Variants in GRIN2B observed in about 807,000 individuals in gnomAD.
GRIN2B encodes the protein glutamate ionotropic receptor NMDA type subunit 2B.
Under a neutral mutation model 114.5 loss-of-function variants are expected in GRIN2B, and 5 were observed. That is an observed-to-expected ratio of 0.04 (90% CI 0.02 to 0.09). The LOEUF (loss-of-function observed/expected upper bound fraction) is 0.09. Ranked by LOEUF, GRIN2B falls within the 10% of genes least tolerant of loss-of-function variation. The pLI, the probability that GRIN2B is intolerant of heterozygous loss-of-function variation, is 1.00. For missense variants in GRIN2B, 1,108 were observed against 1,943.5 expected (o/e 0.57, Z 8.08); for synonymous variants, 787 against 745.1 (o/e 1.06, Z -0.92).
chr12:13,687,142 C>G (rs11832499), intron 4 of GRIN2B, among the ~76,000 whole-genome samples: 18,936 of 152,110 alleles, frequency 0.12, 1,238 homozygotes, highest in Middle Eastern at 0.25. Context: ...AAAAGTAAAC[C>G]TTTTTCCTTT....
chr12:13,871,664 G>A (rs140257769), intron 2 of GRIN2B, among the ~76,000 whole-genome samples: 47 of 145,488 alleles, frequency 3.2e-4, no homozygotes, highest in African/African-American at 1.2e-3. Context: ...ACAAGACAAA[G>A]AAAAGCAAAA....
intron 3 of GRIN2B, among the ~76,000 whole-genome samples, chr12:13,781,738 T>C (rs1285601126): frequency 1.3e-5 from 2 of 152,194 alleles, no homozygotes; most frequent in Non-Finnish European, 2.9e-5. Flanking sequence ...TGTCTCAGTA[T>C]AAGGAAAATC....
intron 5 of GRIN2B, among the ~76,000 whole-genome samples, chr12:13,648,047 G>A (rs1345456260): frequency 1.3e-5 from 2 of 152,080 alleles, no homozygotes; most frequent in Non-Finnish European, 2.9e-5. Context: ...GGGCCTGTCT[G>A]CTGTTGGACC....
At chr12:13,927,471 C>T (rs1209481168) in intron 2 of GRIN2B, among the ~76,000 whole-genome samples, 1 of 152,126 alleles carries the variant, frequency 6.6e-6, no homozygotes, top group Non-Finnish European at 1.5e-5. Flanking sequence ...AGTGCAAAAG[C>T]AGCCATAGAC....
At chr12:13,949,570 T>C (rs1335464721) in intron 2 of GRIN2B, among the ~76,000 whole-genome samples, 1 of 152,062 alleles carries the variant, frequency 6.6e-6, no homozygotes, top group Non-Finnish European at 1.5e-5. Context: ...AGGGACTCTA[T>C]GGCCTCATGA....
intron 2 of GRIN2B, among the ~76,000 whole-genome samples, chr12:13,890,162 C>T (rs949124970): frequency 3.9e-5 from 6 of 152,122 alleles, no homozygotes; most frequent in African/African-American, 9.7e-5. Context: ...ACATTCAGGA[C>T]GTTGTTTCAA....
At chr12:13,918,071 C>T (rs1371091941) in intron 2 of GRIN2B, among the ~76,000 whole-genome samples, 4 of 152,136 alleles carry the variant, frequency 2.6e-5, no homozygotes, top group African/African-American at 7.2e-5. Flanking sequence ...GAAAAAAGCC[C>T]TGGACTTGGC....
intron 3 of GRIN2B, among the ~76,000 whole-genome samples, chr12:13,825,707 G>C (rs1865023786): frequency 6.6e-6 from 1 of 151,710 alleles, no homozygotes; most frequent in Non-Finnish European, 1.5e-5. Flanking sequence ...AGTAGAGAGG[G>C]GGTTTCACCA....
At position 13,661,076 on chromosome 12, in the gene GRIN2B, CAT is replaced by C. The variant is rs113611381; in HGVS notation, c.1125+14667_1125+14668del. On this transcript the variant is annotated intron_variant, in intron 5 of 13. Coordinates refer to ENST00000609686, the MANE Select transcript of GRIN2B (RefSeq NM_000834.5). The stretch of plus-strand genomic sequence containing the variant: ...CTAATTTCAGTTTTTCCTATATTCA[CAT>C]GTTTCATTTACCCAGCCCCTTTCCT... Among the ~76,000 whole-genome samples the C allele has an allele frequency of 2.0e-4, 31 of 152,290 alleles. 1 individual carries two copies. Among genetic ancestry groups the C allele is most frequent in the Middle Eastern group, 3.4e-3 (1 of 294 alleles).
intron 2 of GRIN2B, among the ~76,000 whole-genome samples, chr12:13,966,380 T>G (rs771620283): frequency 1.9e-4 from 29 of 152,248 alleles, no homozygotes; most frequent in Non-Finnish European, 3.2e-4. Flanking sequence ...AGTTTTGGCT[T>G]GTTTTAGTTT....
intron 2 of GRIN2B, among the ~76,000 whole-genome samples, chr12:13,957,122 C>T (rs1468934233): frequency 6.6e-6 from 1 of 152,184 alleles, no homozygotes; most frequent in Non-Finnish European, 1.5e-5. Flanking sequence ...CCACACCATG[C>T]CATACCATCA....
intron 12 of GRIN2B, among the ~76,000 whole-genome samples, chr12:13,567,496 C>G (rs575674045): frequency 6.6e-6 from 1 of 152,106 alleles, no homozygotes; most frequent in Non-Finnish European, 1.5e-5. Flanking sequence ...ACATGAGTAC[C>G]GCAGGCGATA....
Position 13,571,881 on chromosome 12 carries a change from G to A in GRIN2B, c.2094C>T (p.Asn698=). 1 of 1,614,090 alleles carries A rather than the reference G, an allele frequency of 6.2e-7. No homozygotes were observed. The highest frequency in any genetic ancestry group is 8.5e-7 in the Non-Finnish European group (1 of 1,179,958). The stretch of plus-strand genomic sequence containing the variant: ...CCATGTAGGCATGCATTTCTGCATA[G>A]TTATTGCGAATATTTCTCTCTGTGC... The part of the protein sequence containing the change: ...NGSTERNIRN[N]YAEMHAYMGK... The change falls in exon 11 of 14, where the codon AAC becomes AAT. Residue 698 remains asparagine, a synonymous_variant. Coordinates refer to ENST00000609686, the MANE Select transcript of GRIN2B (RefSeq NM_000834.5).
Position 13,616,468 on chromosome 12 carries a change from G to A in GRIN2B, c.1315C>T (p.Arg439Cys), listed in dbSNP as rs2136481169. 3.1e-6 allele frequency: 5 copies of A among 1,613,258 alleles called. No homozygotes were observed. The highest frequency in any genetic ancestry group is 3.4e-6 in the Non-Finnish European group (4 of 1,179,518). ...CMRNTVPCQK[R>C]IVTENKTDEE... ...AGGATGCCATACTCAGTGACTATGC[G>A]TTTTTGGCAGGGGACTGTGTTCCTC... Residue 439 changes from arginine (R) to cysteine (C), a missense_variant, in exon 6 of 14, where the codon CGC (arginine) becomes TGC (cysteine). By Grantham distance (180) the Arg-to-Cys change is radical. This residue lies in a region of GRIN2B where 26 missense variants were observed against 23.5 expected (regional missense o/e 1.11). Transcript: ENST00000609686.
At chr12:13,831,180 C>G (rs1213513677) in intron 3 of GRIN2B, among the ~76,000 whole-genome samples, 1 of 152,232 alleles carries the variant, frequency 6.6e-6, no homozygotes, top group Non-Finnish European at 1.5e-5. Flanking sequence ...GCATGAAGCC[C>G]TGACTAGAAG....
intron 3 of GRIN2B, among the ~76,000 whole-genome samples, chr12:13,816,352 A>G (rs956890160): frequency 6.6e-6 from 1 of 152,222 alleles, no homozygotes; most frequent in Non-Finnish European, 1.5e-5. Flanking sequence ...TATTCTCCCC[A>G]TCCTTCTGGA....
intron 10 of GRIN2B, among the ~76,000 whole-genome samples, chr12:13,592,924 T>A (rs1207911813): frequency 1.3e-5 from 2 of 152,164 alleles, no homozygotes; most frequent in African/African-American, 4.8e-5. Flanking sequence ...AACTGGAAGT[T>A]TAAATACATA....
intron 2 of GRIN2B, among the ~76,000 whole-genome samples, chr12:13,928,968 C>G (rs184981346): frequency 1.5e-3 from 221 of 151,972 alleles, no homozygotes; most frequent in African/African-American, 5.2e-3. Context: ...TAAGCATTAA[C>G]TAATTTAGTC....
chr12:13,949,740 T>C (rs150845050), intron 2 of GRIN2B, among the ~76,000 whole-genome samples: 80 of 152,232 alleles, frequency 5.3e-4, no homozygotes, highest in African/African-American at 1.7e-3. Context: ...TTCAATGTAG[T>C]GTATATTGAT....
Sources: allele counts gnomAD v4.1 joint callset (sites outside exome capture counted in the v4.1 genomes callset), GRCh38; gene constraint gnomAD v4.1.1; regional missense constraint gnomAD v4.1.1; transcripts MANE v1.5; gene names NCBI Gene and HGNC (gene_info 2026-07-23, HGNC 2026-07-21).